Variants in SMYD3 observed in about 807,000 individuals in gnomAD.
The protein encoded by SMYD3 is histone-lysine N-methyltransferase SMYD3.
In SMYD3, 36 loss-of-function variants were observed where a neutral mutation model predicts 57.7. That is an observed-to-expected ratio of 0.62 (90% CI 0.48 to 0.82). SMYD3 has a LOEUF of 0.82. Among genes scored for constraint, SMYD3 ranks in the 40% least tolerant of loss-of-function variants. The pLI is 0.00. For missense variants in SMYD3, 515 were observed against 538.8 expected (o/e 0.96, Z 0.44); for synonymous variants, 211 against 195.0 (o/e 1.08, Z -0.68).
chr1:246,239,897 A>G (rs879677432), intron 5 of SMYD3, among the ~76,000 whole-genome samples: 20 of 152,156 alleles, frequency 1.3e-4, no homozygotes, highest in East Asian at 5.8e-4. Flanking sequence ...TCTTTTGAGA[A>G]GCGTCTGTTC....
intron 5 of SMYD3, among the ~76,000 whole-genome samples, chr1:246,107,786 G>A (rs2061157137): frequency 6.6e-6 from 1 of 152,174 alleles, no homozygotes; most frequent in Non-Finnish European, 1.5e-5. Context: ...GCAATTATAA[G>A]TGGATTTAAC....
intron 10 of SMYD3, among the ~76,000 whole-genome samples, chr1:245,789,301 T>C (rs1006867667): frequency 2.0e-5 from 3 of 152,184 alleles, no homozygotes; most frequent in African/African-American, 4.8e-5. Flanking sequence ...GGAAAGTTGT[T>C]GCACAGAGGA....
In SMYD3 at chr1:245,818,558, C is replaced by T. The variant is rs868619850; in HGVS notation, c.1076+39938G>A. ...CACACATAACAATATTAACTTTAAA[C>T]GTAAATGGACTAAATGCTCCAATTA... On this transcript the variant is annotated intron_variant, in intron 10 of 11. Coordinates refer to ENST00000490107, the MANE Select transcript of SMYD3 (RefSeq NM_001167740.2). Among the ~76,000 whole-genome samples the T allele has an allele frequency of 3.2e-4, 48 of 151,816 alleles. No homozygotes were observed. In the South Asian group the frequency reaches 5.4e-3, roughly 17 times the overall value.
intron 5 of SMYD3, among the ~76,000 whole-genome samples, chr1:246,097,415 G>A (rs549941906): frequency 6.6e-6 from 1 of 152,200 alleles, no homozygotes; most frequent in East Asian, 1.9e-4. Flanking sequence ...CAAGGTTCCA[G>A]GAGAGAGAGC....
At chr1:245,973,985 A>T (rs2058362733) in intron 5 of SMYD3, among the ~76,000 whole-genome samples, 2 of 150,646 alleles carry the variant, frequency 1.3e-5, no homozygotes, top group South Asian at 4.2e-4. Flanking sequence ...TAACAAAATC[A>T]TCATCATTAA....
intron 10 of SMYD3, among the ~76,000 whole-genome samples, chr1:245,797,596 G>C (rs566040712): frequency 6.6e-6 from 1 of 151,628 alleles, no homozygotes; most frequent in Admixed American, 6.6e-5. Flanking sequence ...AATGGGTGCA[G>C]CACACCAACA....
chr1:246,438,539 C>T (rs2067415309), intron 1 of SMYD3, among the ~76,000 whole-genome samples: 1 of 152,064 alleles, frequency 6.6e-6, no homozygotes, highest in South Asian at 2.1e-4. Flanking sequence ...CCCTCCCTGG[C>T]CCCCAGCACG....
At chr1:246,471,869 C>G (rs2067965565) in intron 1 of SMYD3, among the ~76,000 whole-genome samples, 5 of 152,152 alleles carry the variant, frequency 3.3e-5, no homozygotes, top group Admixed American at 3.3e-4. Flanking sequence ...CTCCTAATCT[C>G]AGTGGCTTTT....
At chr1:246,145,460 G>C (rs1165462170) in intron 5 of SMYD3, among the ~76,000 whole-genome samples, 2 of 152,128 alleles carry the variant, frequency 1.3e-5, no homozygotes, top group African/African-American at 4.8e-5. Flanking sequence ...AGGCAATATA[G>C]GCATCTGAGC....
At chr1:246,382,366 C>T (rs2066402782) in intron 1 of SMYD3, among the ~76,000 whole-genome samples, 1 of 152,138 alleles carries the variant, frequency 6.6e-6, no homozygotes, top group East Asian at 1.9e-4. Context: ...CCCTAGACTC[C>T]AGGCCAGCAC....
chr1:246,439,729 C>G (rs1389251557), intron 1 of SMYD3, among the ~76,000 whole-genome samples: 1 of 152,160 alleles, frequency 6.6e-6, no homozygotes, highest in Non-Finnish European at 1.5e-5. Context: ...GGGCGGATTA[C>G]TTGAGCCCAG....
At chr1:246,303,542 T>C (rs920278440) in intron 5 of SMYD3, among the ~76,000 whole-genome samples, 1 of 152,212 alleles carries the variant, frequency 6.6e-6, no homozygotes, top group African/African-American at 2.4e-5. Context: ...ATACTCTTTT[T>C]TAAATTTTAT....
chr1:246,352,228 A>G (rs375446023), intron 2 of SMYD3, among the ~76,000 whole-genome samples: 222 of 151,594 alleles, frequency 1.5e-3, no homozygotes, highest in African/African-American at 4.8e-3. Context: ...GGTACATGTT[A>G]CACCTGCAAT....
rs139036442 is a variant in SMYD3, at chr1:246,247,381, C to G, written c.531+79820G>C. ...TATAACGTGTGTCTAGGCAACCACA[C>G]ATTCAACAGACTACCAGGACAGATT... On this transcript the variant is annotated intron_variant, in intron 5 of 11. Transcript: ENST00000490107. Among the ~76,000 whole-genome samples the G allele has an allele frequency of 6.4e-3, 976 of 151,948 alleles. 5 individuals are homozygous for G. The highest frequency in any genetic ancestry group is 0.027 in the Middle Eastern group (8 of 292).
intron 5 of SMYD3, among the ~76,000 whole-genome samples, chr1:245,962,109 ATC>A (rs2058026375): frequency 6.6e-6 from 1 of 152,120 alleles, no homozygotes; most frequent in South Asian, 2.1e-4. Context: ...GCTGTATTTC[ATC>A]TGTTTTACAT....
intron 5 of SMYD3, among the ~76,000 whole-genome samples, chr1:246,275,056 A>G (rs1259670094): frequency 6.6e-6 from 1 of 152,156 alleles, no homozygotes; most frequent in African/African-American, 2.4e-5. Context: ...ATTATATATA[A>G]AGACATTTTT....
At chr1:246,450,249 C>T (rs2067612741) in intron 1 of SMYD3, among the ~76,000 whole-genome samples, 1 of 152,022 alleles carries the variant, frequency 6.6e-6, no homozygotes, top group South Asian at 2.1e-4. Context: ...CGACATCGCA[C>T]CATTGCACTC....
At chr1:245,818,073 G>C (rs1371276197) in intron 10 of SMYD3, among the ~76,000 whole-genome samples, 4 of 151,768 alleles carry the variant, frequency 2.6e-5, no homozygotes, top group African/African-American at 7.3e-5. Context: ...CTCGAGAAGA[G>C]CAACTCCAAG....
rs1572126891 is a variant in SMYD3 at position 246,158,044 on chromosome 1, T to G, written c.531+169157A>C. ...ACTGAGAGGTAAACAGACCTTTAAA[T>G]AAGTAAAGAGCCAGGGAGCACTAGC... is the stretch of plus-strand genomic sequence containing the variant. On this transcript the variant is annotated intron_variant, in intron 5 of 11. Coordinates refer to ENST00000490107, the MANE Select transcript of SMYD3 (RefSeq NM_001167740.2). Among the ~76,000 whole-genome samples, 3 of 152,200 alleles carry G rather than the reference T, an allele frequency of 2.0e-5. No homozygotes were observed. The East Asian group carries it at 5.8e-4, about 29-fold the overall frequency.
Sources: allele counts gnomAD v4.1 joint callset (sites outside exome capture counted in the v4.1 genomes callset), GRCh38; gene constraint gnomAD v4.1.1; transcripts MANE v1.5; gene names NCBI Gene and HGNC (gene_info 2026-07-23, HGNC 2026-07-21).